The following LRMDA variants were observed in gnomAD, a reference collection of about 807,000 sequenced individuals.
LRMDA encodes leucine-rich melanocyte differentiation-associated protein.
Under a neutral mutation model 29.8 loss-of-function variants are expected in LRMDA, and 18 were observed. That is an observed-to-expected ratio of 0.60 (90% CI 0.42 to 0.90). The LOEUF (loss-of-function observed/expected upper bound fraction) is 0.90, where lower values mean the gene tolerates loss of function less well. Ranked by LOEUF, LRMDA falls within the 40% of genes least tolerant of loss-of-function variation. The probability of loss-of-function intolerance (pLI) is 0.00; values close to 1 mark genes in which losing one functional copy is unlikely to be tolerated. For missense variants in LRMDA, 273 were observed against 273.9 expected (o/e 1.00, Z 0.02); for synonymous variants, 125 against 109.4 (o/e 1.14, Z -0.89).
At chr10:76,289,649 C>T (rs567065422) in intron 5 of LRMDA, among the ~76,000 whole-genome samples, 28 of 152,282 alleles carry the variant, frequency 1.8e-4, no homozygotes, top group Admixed American at 1.4e-3. Context: ...TTTATGTGTA[C>T]GGTGAGGCAT....
intron 5 of LRMDA, among the ~76,000 whole-genome samples, chr10:76,125,020 A>T (rs1849855655): frequency 1.3e-5 from 2 of 152,254 alleles, no homozygotes; most frequent in South Asian, 4.1e-4. Context: ...CATTTCCAGG[A>T]AATATCTTTT....
intron 6 of LRMDA, among the ~76,000 whole-genome samples, chr10:76,445,432 T>C (rs548392195): frequency 6.6e-6 from 1 of 152,332 alleles, no homozygotes; most frequent in Non-Finnish European, 1.5e-5. Context: ...CTCAGAGGTC[T>C]GTTTGCTTCT....
intron 2 of LRMDA, among the ~76,000 whole-genome samples, chr10:75,541,698 C>T (rs1840019278): frequency 1.3e-5 from 2 of 152,098 alleles, no homozygotes; most frequent in Admixed American, 1.3e-4. Context: ...AATTGAGTTG[C>T]CATGTTTTTT....
chr10:75,739,461 GA>G (rs1842804093), intron 2 of LRMDA, among the ~76,000 whole-genome samples: 1 of 152,332 alleles, frequency 6.6e-6, no homozygotes, highest in South Asian at 2.1e-4. Flanking sequence ...AGACTGACGG[GA>G]AATCAATTAA....
intron 6 of LRMDA, among the ~76,000 whole-genome samples, chr10:76,426,605 A>C (rs1190432402): frequency 6.6e-6 from 1 of 152,292 alleles, no homozygotes; most frequent in South Asian, 2.1e-4. Flanking sequence ...TCTTGAGTTT[A>C]ATTAGATCCC....
chr10:76,143,822 T>C (rs2132154024), intron 5 of LRMDA, among the ~76,000 whole-genome samples: 1 of 152,364 alleles, frequency 6.6e-6, no homozygotes, highest in East Asian at 1.9e-4. Flanking sequence ...TTTTATGGTT[T>C]TAGGTCTAAC....
chr10:75,718,382 G>A (rs544713662), intron 2 of LRMDA, among the ~76,000 whole-genome samples: 105 of 152,166 alleles, frequency 6.9e-4, no homozygotes, highest in Non-Finnish European at 1.2e-3. Flanking sequence ...AAATATGTGA[G>A]GCCTCAAGGA....
intron 6 of LRMDA, among the ~76,000 whole-genome samples, chr10:76,364,136 C>G (rs767559829): frequency 8.5e-5 from 13 of 152,068 alleles, no homozygotes; most frequent in Non-Finnish European, 1.9e-4. Context: ...ATGTGTAGAA[C>G]TAACTCCAGT....
chr10:75,702,500 C>A (rs1842320805), intron 2 of LRMDA, among the ~76,000 whole-genome samples: 2 of 152,176 alleles, frequency 1.3e-5, no homozygotes, highest in African/African-American at 4.8e-5. Context: ...TTTCTTCACT[C>A]TGTCATCCCC....
intron 2 of LRMDA, among the ~76,000 whole-genome samples, chr10:75,455,633 C>G (rs1029521499): frequency 6.6e-6 from 1 of 152,148 alleles, no homozygotes; most frequent in Non-Finnish European, 1.5e-5. Flanking sequence ...GCCAGCCCAG[C>G]AAAGCAGGTA....
intron 5 of LRMDA, among the ~76,000 whole-genome samples, chr10:76,263,195 A>C (rs1839964752): frequency 6.6e-6 from 1 of 152,180 alleles, no homozygotes; most frequent in Non-Finnish European, 1.5e-5. Flanking sequence ...GTTGATTCCA[A>C]GGCAAACTTG....
At chr10:76,432,415 A>C (rs1265723114) in intron 6 of LRMDA, among the ~76,000 whole-genome samples, 1 of 152,154 alleles carries the variant, frequency 6.6e-6, no homozygotes, top group Non-Finnish European at 1.5e-5. Flanking sequence ...CACCCAAAGC[A>C]ACATTTGGCC....
At chr10:75,497,102 G>T (rs1845053215) in intron 2 of LRMDA, among the ~76,000 whole-genome samples, 1 of 152,036 alleles carries the variant, frequency 6.6e-6, no homozygotes, top group Admixed American at 6.6e-5. Flanking sequence ...GCCACACCCA[G>T]AACAAAGCAG....
chr10:76,414,721 G>T (rs1841997276), intron 6 of LRMDA, among the ~76,000 whole-genome samples: 3 of 152,174 alleles, frequency 2.0e-5, no homozygotes, highest in Admixed American at 6.5e-5. Context: ...TGAGAAAACT[G>T]GTTGAGCCAT....
At chr10:75,676,859 G>A (rs1225702059) in intron 2 of LRMDA, among the ~76,000 whole-genome samples, 1 of 152,050 alleles carries the variant, frequency 6.6e-6, no homozygotes, top group African/African-American at 2.4e-5. Flanking sequence ...ATTCTCATTT[G>A]CCACCTTTGG....
intron 6 of LRMDA, among the ~76,000 whole-genome samples, chr10:76,361,962 C>T (rs181352939): frequency 1.3e-5 from 2 of 152,264 alleles, no homozygotes; most frequent in East Asian, 3.9e-4. Flanking sequence ...TTTATTATCT[C>T]TGTTCTTCTG....
At chr10:76,454,563 T>C (rs1032475026) in intron 6 of LRMDA, among the ~76,000 whole-genome samples, 4 of 152,046 alleles carry the variant, frequency 2.6e-5, no homozygotes, top group Non-Finnish European at 4.4e-5. Flanking sequence ...CCAGTGAGAA[T>C]TGGAGGTGAT....
At chr10:75,492,950 T>C (rs1845004716) in intron 2 of LRMDA, among the ~76,000 whole-genome samples, 1 of 152,202 alleles carries the variant, frequency 6.6e-6, no homozygotes, top group Non-Finnish European at 1.5e-5. Context: ...CAAAGCTCAT[T>C]GAAGGAATAT....
At chr10:75,800,507 G>A (rs1305340297) in intron 2 of LRMDA, among the ~76,000 whole-genome samples, 1 of 150,500 alleles carries the variant, frequency 6.6e-6, no homozygotes, top group East Asian at 1.9e-4. Flanking sequence ...GTGCAATCTC[G>A]GCTCACTCAA....
Sources: allele counts gnomAD v4.1 joint callset (sites outside exome capture counted in the v4.1 genomes callset), GRCh38; gene constraint gnomAD v4.1.1; transcripts MANE v1.5; gene names NCBI Gene and HGNC (gene_info 2026-07-23, HGNC 2026-07-21).